Variants in PABPC1 observed in about 807,000 individuals in gnomAD.
PABPC1 encodes poly(A) binding protein cytoplasmic 1.
PABPC1 carries 4 observed loss-of-function variants against 74.0 expected under a neutral mutation model. The ratio of observed to expected loss-of-function variants is 0.05; its 90% confidence interval spans 0.03 to 0.12. The LOEUF (loss-of-function observed/expected upper bound fraction) is 0.12. Among genes scored for constraint, PABPC1 ranks in the 10% least tolerant of loss-of-function variants. The pLI is 1.00. For synonymous variants in PABPC1, 227 were observed against 264.1 expected (o/e 0.86, Z 1.36); for missense variants, 271 against 821.1 (o/e 0.33, Z 8.19).
chr8:100,717,614 C>A (rs1412538634), intron 3 of PABPC1, among the ~76,000 whole-genome samples, 159 bp downstream of exon 3: 1 of 152,180 alleles, frequency 6.6e-6, no homozygotes, highest in Admixed American at 6.5e-5. Flanking sequence ...CACTCCAGTA[C>A]AACTACATGA....
intron 3 of PABPC1, among the ~76,000 whole-genome samples, chr8:100,717,300 C>G (rs1365732639): frequency 6.6e-6 from 1 of 152,182 alleles, no homozygotes; most frequent in African/African-American, 2.4e-5. Context: ...TGAGCCACCG[C>G]GCCCGGACTT....
chr8:100,710,832 C>CA (rs1351874579), intron 7 of PABPC1, among the ~76,000 whole-genome samples: 1 of 151,870 alleles, frequency 6.6e-6, no homozygotes. Flanking sequence ...ACTAAAAATA[C>CA]AAAAATTAGC....
Position 100,721,622 on chromosome 8 carries a change from T to C in PABPC1, c.-39A>G. The stretch of plus-strand genomic sequence containing the variant: ...CCCGCAGGGCCACAGGCCGCGACCT[T>C]TCCGTGAGAGGAGGAGAGCGAGTGC... On this transcript the variant is annotated 5_prime_UTR_variant, in exon 1 of 15. Coordinates refer to ENST00000318607, the MANE Select transcript of PABPC1 (RefSeq NM_002568.4). The surrounding 1 kb of genome is among the most constrained non-coding windows in gnomAD (Gnocchi z 7.4). The C allele has an allele frequency of 6.9e-7, 1 of 1,442,816 alleles. No homozygotes were observed. Among genetic ancestry groups the C allele is most frequent in the Non-Finnish European group, 9.2e-7 (1 of 1,081,148 alleles). 89.4% of individuals were successfully genotyped at this position (1,442,816 alleles called of 1,614,324 possible). A position where few individuals can be genotyped will look rare whatever the true frequency, so the allele number is the denominator to read the frequency against.
At chr8:100,705,926 G>A (rs1406169746) in intron 11 of PABPC1, among the ~76,000 whole-genome samples, 1 of 152,176 alleles carries the variant, frequency 6.6e-6, no homozygotes, top group Non-Finnish European at 1.5e-5. Flanking sequence ...TTGGCTCGCT[G>A]CAACCTCCGC....
chr8:100,709,395 A>C, intron 8 of PABPC1, 64 bp downstream of exon 8: 1 of 1,592,762 alleles, frequency 6.3e-7, no homozygotes, highest in East Asian at 2.2e-5. Flanking sequence ...CGAGGGGCAC[A>C]AAAAACACTA....
rs1179058823 is a variant in PABPC1 at position 100,704,319 on chromosome 8, G to T, written c.1890C>A (p.Ala630=). 3.1e-6 allele frequency: 5 copies of T among 1,613,540 alleles called. No homozygotes were observed. The highest frequency in any genetic ancestry group is 4.2e-6 in the Non-Finnish European group (5 of 1,179,602). ...CACTTTAAACAGTTGGAACACCGGT[G>T]GCACTGTTAACTGCTTTCTGGGCAG... The part of the protein sequence containing the change: ...KEAAQKAVNS[A]TGVPTV Residue 630 remains alanine, a synonymous_variant, in exon 14 of 15, where the codon GCC becomes GCA. Transcript: ENST00000318607.
intron 1 of PABPC1, among the ~76,000 whole-genome samples, chr8:100,718,684 A>C (rs764524944): frequency 6.6e-6 from 1 of 152,232 alleles, no homozygotes; most frequent in Non-Finnish European, 1.5e-5. Flanking sequence ...TACAAGCTGG[A>C]AGTAGTTTAT....
At chr8:100,704,060 A>G in intron 14 of PABPC1, 1 of 353,318 alleles carries the variant, frequency 2.8e-6, no homozygotes, top group Non-Finnish European at 4.9e-6. Flanking sequence ...ATCTCAAAAA[A>G]AAAAAAAAAA....
rs189499454 is a variant in PABPC1, at chr8:100,710,970, A to G, written c.973-1239T>C. Among the ~76,000 whole-genome samples the G allele has an allele frequency of 9.2e-5, 14 of 151,880 alleles. No homozygotes were observed. The East Asian group carries it at 2.5e-3, about 27-fold the overall frequency. On this transcript the variant is annotated intron_variant, in intron 7 of 14. Transcript: ENST00000318607. Reference sequence around the variant, plus strand: ...CCACTTCACTCCATCTCAAAAAAATAAAACAAATGTTCCCTTAATCAATAA... The same window carrying G: ...CCACTTCACTCCATCTCAAAAAAATGAAACAAATGTTCCCTTAATCAATAA...
intron 2 of PABPC1, 90 bp from the exon 3 acceptor site, chr8:100,717,978 T>C: frequency 1.5e-6 from 2 of 1,329,326 alleles, no homozygotes; most frequent in Non-Finnish European, 2.2e-6. Flanking sequence ...CCATCTAACC[T>C]GGATATTTGT....
chr8:100,713,457 CAA>C (rs1439282876), intron 4 of PABPC1, among the ~76,000 whole-genome samples: 1 of 152,148 alleles, frequency 6.6e-6, no homozygotes, highest in Non-Finnish European at 1.5e-5. Context: ...AGCTCTAGCA[CAA>C]AAGAGTTGCA....
chr8:100,719,415 C>T (rs372816861), intron 1 of PABPC1, among the ~76,000 whole-genome samples: 9 of 144,754 alleles, frequency 6.2e-5, no homozygotes, highest in African/African-American at 1.5e-4. Context: ...GCTGACTTTG[C>T]TTGAGCTATT....
At position 100,703,013 on chromosome 8, in the gene PABPC1, T is replaced by A. The variant is rs772638888; in HGVS notation, c.*348A>T. The A allele has an allele frequency of 1.3e-5, 2 of 156,312 alleles. No homozygotes were observed. The highest frequency in any genetic ancestry group is 2.9e-5 in the Non-Finnish European group (2 of 68,084). 9.7% of individuals were successfully genotyped at this position (156,312 alleles called of 1,614,324 possible). A position where few individuals can be genotyped will look rare whatever the true frequency, so the allele number is the denominator to read the frequency against. On this transcript the variant is annotated 3_prime_UTR_variant, in exon 15 of 15. Coordinates refer to ENST00000318607, the MANE Select transcript of PABPC1 (RefSeq NM_002568.4). ...TCTGTTACTTAAAACAGAACTGACA[T>A]TCTGAGCTATTCCACAGTAAAGAAT... is the stretch of plus-strand genomic sequence containing the variant.
In PABPC1 at chr8:100,712,401, C is replaced by A. The variant is rs769192883; in HGVS notation, c.933G>T (p.Arg311=). 9 of 1,609,874 alleles carry A rather than the reference C, an allele frequency of 5.6e-6. No homozygotes were observed. Among genetic ancestry groups the A allele is most frequent in the Non-Finnish European group, 7.6e-6 (9 of 1,177,388 alleles). ...TTGTACCAAATGGAGAAAACTCTTT[C>A]CGGAGACGTTCATCATCAATACCAT... ...LDDGIDDERL[R]KEFSPFGTIT... Residue 311 remains arginine, a synonymous_variant, in exon 7 of 15, where the codon CGG becomes CGT. Coordinates refer to ENST00000318607, the MANE Select transcript of PABPC1 (RefSeq NM_002568.4).
rs1276263572 is a variant in PABPC1, at chr8:100,709,692, C to T, written c.1012G>A (p.Val338Ile). 1 of 1,613,664 alleles carries T rather than the reference C, an allele frequency of 6.2e-7. No homozygotes were observed. Among genetic ancestry groups the T allele is most frequent in the African/African-American group, 1.3e-5 (1 of 74,762 alleles). The change falls in exon 8 of 15, where the codon GTA (valine) becomes ATA (isoleucine). Residue 338 changes from valine to isoleucine, a missense_variant. Val to Ile is a conservative substitution (Grantham distance 29). This residue lies in a region of PABPC1 where 7 missense variants were observed against 71.8 expected (regional missense o/e 0.10). Transcript: ENST00000318607. ...GCTTCTTCTGGGGAGGAGAAACATA[C>T]AAAACCAAACCCTTTGCTGCGACCA... Reference protein sequence around the residue: ...EGGRSKGFGFVCFSSPEEATK... With the variant: ...EGGRSKGFGFICFSSPEEATK...
At chr8:100,715,384 G>C (rs193232688) in intron 4 of PABPC1, 78 bp downstream of exon 4, 2 of 1,282,906 alleles carry the variant, frequency 1.6e-6, no homozygotes, top group South Asian at 1.6e-5. Context: ...GACTTTTTTA[G>C]TATAAAGTAA....
intron 7 of PABPC1, 105 bp from the exon 8 acceptor site, chr8:100,709,836 C>A (rs891712635): frequency 1.7e-6 from 2 of 1,210,586 alleles, no homozygotes; most frequent in Admixed American, 2.8e-5. Context: ...AATAACTAAA[C>A]CCTGTTAATG....
At chr8:100,709,041 A>C in intron 9 of PABPC1, 92 bp downstream of exon 9, 1 of 954,632 alleles carries the variant, frequency 1.0e-6, no homozygotes, top group South Asian at 1.4e-5. Flanking sequence ...GAAATGCAAT[A>C]GTTAACCTAA....
At chr8:100,717,376 T>C (rs1341614087) in intron 3 of PABPC1, among the ~76,000 whole-genome samples, 1 of 152,232 alleles carries the variant, frequency 6.6e-6, no homozygotes, top group East Asian at 1.9e-4. Flanking sequence ...TCCTCACCTA[T>C]AAAATGGGTT....
Sources: allele counts gnomAD v4.1 joint callset (sites outside exome capture counted in the v4.1 genomes callset), GRCh38; gene constraint gnomAD v4.1.1; regional missense constraint gnomAD v4.1.1; non-coding constraint Gnocchi (gnomAD v3.1); transcripts MANE v1.5; gene names NCBI Gene and HGNC (gene_info 2026-07-23, HGNC 2026-07-21).